MDM4: variants seen among roughly 807,000 people sequenced by gnomAD.
The protein encoded by MDM4 is MDM4 regulator of p53.
A neutral mutation model predicts 60.2 loss-of-function variants in MDM4; 2 were observed. The ratio of observed to expected loss-of-function variants is 0.03; its 90% CI spans 0.01 to 0.10. MDM4 has a LOEUF of 0.10. Ranked by LOEUF, MDM4 falls within the 10% of genes least tolerant of loss-of-function variation. The pLI, the probability that MDM4 is intolerant of heterozygous loss-of-function variation, is 1.00. For synonymous variants in MDM4, 202 were observed against 198.1 expected (o/e 1.02, Z -0.17); for missense variants, 447 against 577.5 (o/e 0.77, Z 2.32).
intron 1 of MDM4, among the ~76,000 whole-genome samples, chr1:204,522,685 G>A (rs559622917): frequency 2.0e-5 from 3 of 151,982 alleles, no homozygotes; most frequent in East Asian, 2.0e-4. Context: ...GATTATAGGC[G>A]TGAGCCACCA....
intron 1 of MDM4, among the ~76,000 whole-genome samples, 160 bp downstream of exon 1, chr1:204,516,669 G>T (rs1266318634): frequency 2.0e-5 from 3 of 152,184 alleles, no homozygotes; most frequent in East Asian, 1.9e-4. Flanking sequence ...GAAGGGCTCG[G>T]GGGGAGGGGA....
rs760505338 is a variant in MDM4, at chr1:204,552,799, C to T, written c.*3117C>T. 4.9e-5 allele frequency: 9 copies of T among 182,060 alleles called. No individual in the cohort carries two copies. Among genetic ancestry groups the T allele is most frequent in the South Asian group, 3.9e-4 (2 of 5,082 alleles). 11.3% of individuals were successfully genotyped at this position (182,060 alleles called of 1,614,324 possible). A position where few individuals can be genotyped will look rare whatever the true frequency, so the allele number is the denominator to read the frequency against. On this transcript the variant is annotated 3_prime_UTR_variant, in exon 11 of 11. Coordinates refer to ENST00000367182, the MANE Select transcript of MDM4 (RefSeq NM_002393.5). ...CTTCTGTTAGCACTAAGTACTTAGA[C>T]GATCCTAAGATATGTGCTTGAGCCG...
chr1:204,535,481 GTC>G lies in MDM4; in HGVS notation c.344-1944_344-1943del, dbSNP rs201932826. On this transcript the variant is annotated intron_variant, in intron 5 of 10. Coordinates refer to ENST00000367182, the MANE Select transcript of MDM4 (RefSeq NM_002393.5). ...CTAAAATGGTAGTTCTTTCTAAATT[GTC>G]TCTCCAAATTTTCCCATGTATACAA... Among the ~76,000 whole-genome samples the G allele has an allele frequency of 9.3e-3, 1,409 of 151,552 alleles. 21 individuals carry two copies. The highest frequency in any genetic ancestry group is 0.032 in the African/African-American group (1,321 of 41,288).
intron 7 of MDM4, among the ~76,000 whole-genome samples, chr1:204,541,190 A>G (rs944674869): frequency 3.3e-5 from 5 of 151,866 alleles, no homozygotes; most frequent in African/African-American, 1.2e-4. Flanking sequence ...TGGGCATGGT[A>G]GCTCGTGCCT....
chr1:204,549,955 C>T lies in MDM4; in HGVS notation c.*273C>T, dbSNP rs1473454649. ...AACTCTTGAAAACAAGAGATTTCTT[C>T]CATGCACATTTACAATATTGAGGTA... On this transcript the variant is annotated 3_prime_UTR_variant, in exon 11 of 11. Coordinates refer to ENST00000367182, the MANE Select transcript of MDM4 (RefSeq NM_002393.5). 1 of 321,278 alleles carries T rather than the reference C, an allele frequency of 3.1e-6. No homozygotes were observed. Among genetic ancestry groups the T allele is most frequent in the Non-Finnish European group, 5.7e-6 (1 of 176,214 alleles). 19.9% of individuals were successfully genotyped at this position (321,278 alleles called of 1,614,324 possible).
intron 5 of MDM4, chr1:204,532,942 C>A: frequency 9.3e-7 from 1 of 1,076,514 alleles, no homozygotes; most frequent in Non-Finnish European, 1.3e-6. Flanking sequence ...ATGCTTTGTA[C>A]TTCTGTTTAA....
chr1:204,534,786 G>GT (rs1249208315), intron 5 of MDM4, among the ~76,000 whole-genome samples: 1 of 151,832 alleles, frequency 6.6e-6, no homozygotes, highest in Non-Finnish European at 1.5e-5. Context: ...GCCACCATGC[G>GT]TGGCCCATTT....
chr1:204,538,407 C>T (rs1198701848), intron 7 of MDM4, 99 bp downstream of exon 7: 1 of 686,884 alleles, frequency 1.5e-6, no homozygotes, highest in Non-Finnish European at 2.6e-6. Context: ...AGGGATATGT[C>T]ACAATTTCTC....
rs1341299919 is a variant in MDM4, at chr1:204,538,295, A to G, written c.498A>G (p.Ile166Met). Residue 166 changes from isoleucine to methionine, a missense_variant, in exon 7 of 11, where the codon ATA becomes ATG. Transcript: ENST00000367182. ...TGCCTACCTCAGAGCATAAATGCATACATTCTAGAGAAGGTATGTTTTGGA... is the reference window on the plus strand; with the variant it reads ...TGCCTACCTCAGAGCATAAATGCATGCATTCTAGAGAAGGTATGTTTTGGA... ...PTLPTSEHKC[I>M]HSREDEDLIE... The G allele has an allele frequency of 1.3e-6, 2 of 1,576,894 alleles. No individual in the cohort carries two copies. Among genetic ancestry groups the G allele is most frequent in the Admixed American group, 1.7e-5 (1 of 59,796 alleles).
chr1:204,538,000 T>G (rs72753803), intron 6 of MDM4: 2 of 758,350 alleles, frequency 2.6e-6, no homozygotes, highest in Non-Finnish European at 4.9e-6. Flanking sequence ...AGGTTTTTTT[T>G]CCCCCCAGGT....
chr1:204,539,971 A>G (rs1661867793), intron 7 of MDM4, among the ~76,000 whole-genome samples: 1 of 152,120 alleles, frequency 6.6e-6, no homozygotes, highest in Non-Finnish European at 1.5e-5. Flanking sequence ...CTATGTGTAC[A>G]AGGTGTACAT....
rs530490712 is a variant in MDM4 at position 204,534,897 on chromosome 1, G to A, written c.344-2533G>A. On this transcript the variant is annotated intron_variant, in intron 5 of 10. Transcript: ENST00000367182. ...TACCCTTTATCCAGAGTCCCCAAATGGTAACATCTTACATAATAATAGTAT... is the reference window on the plus strand; with the variant it reads ...TACCCTTTATCCAGAGTCCCCAAATAGTAACATCTTACATAATAATAGTAT... Among the ~76,000 whole-genome samples, 131 of 152,090 alleles carry A rather than the reference G, an allele frequency of 8.6e-4. 1 individual carries two copies. Among genetic ancestry groups the A allele is most frequent in the Non-Finnish European group, 3.1e-4 (21 of 67,984 alleles).
At chr1:204,518,951 T>C (rs774005324) in intron 1 of MDM4, among the ~76,000 whole-genome samples, 9 of 152,208 alleles carry the variant, frequency 5.9e-5, no homozygotes, top group Non-Finnish European at 5.9e-5. Flanking sequence ...TGTGAGCCAC[T>C]GCTTCTGGCC....
Position 204,532,221 on chromosome 1 carries a change from T to C in MDM4, c.318T>C (p.Leu106=), listed in dbSNP as rs923560831. 8 of 1,605,192 alleles carry C rather than the reference T, an allele frequency of 5.0e-6. No individual in the cohort carries two copies. Among genetic ancestry groups the C allele is most frequent in the Non-Finnish European group, 5.1e-6 (6 of 1,172,370 alleles). Reference sequence around the variant, plus strand: ...TCTATGATATGCTAAGAAAGAATCTTGTCACTTTAGCCACTGCTACTACAG... The same window carrying C: ...TCTATGATATGCTAAGAAAGAATCTCGTCACTTTAGCCACTGCTACTACAG... ...SPLYDMLRKN[L]VTLATATTDA... is the part of the protein sequence containing the mutation. Residue 106 remains leucine, a synonymous_variant, in exon 5 of 11, where the codon CTT becomes CTC. Transcript: ENST00000367182.
rs1272839734 is a variant in MDM4 at position 204,557,148 on chromosome 1, A to G, written c.*7466A>G. Reference sequence around the variant, plus strand: ...GAACCTATTATGCTCTTGGTGTACCAAGCTCTGGGGTATATATTCAGAATA... The same window carrying G: ...GAACCTATTATGCTCTTGGTGTACCGAGCTCTGGGGTATATATTCAGAATA... On this transcript the variant is annotated 3_prime_UTR_variant, in exon 11 of 11. Coordinates refer to ENST00000367182, the MANE Select transcript of MDM4 (RefSeq NM_002393.5). 1 of 197,844 alleles carries G rather than the reference A, an allele frequency of 5.1e-6. No homozygotes were observed. The highest frequency in any genetic ancestry group is 1.0e-5 in the Non-Finnish European group (1 of 95,418). 12.3% of individuals were successfully genotyped at this position (197,844 alleles called of 1,614,324 possible). A position where few individuals can be genotyped will look rare whatever the true frequency, so the allele number is the denominator to read the frequency against.
chr1:204,542,996 A>T, intron 8 of MDM4, 52 bp downstream of exon 8: 1 of 1,433,030 alleles, frequency 7.0e-7, no homozygotes. Flanking sequence ...AAAGGGTAAC[A>T]TTCTTGGTTA....
At chr1:204,528,410 C>T (rs1273126856) in intron 3 of MDM4, among the ~76,000 whole-genome samples, 3 of 152,220 alleles carry the variant, frequency 2.0e-5, no homozygotes, top group Non-Finnish European at 4.4e-5. Flanking sequence ...TCAGATTCCA[C>T]TTTGGAGAAA....
intron 3 of MDM4, among the ~76,000 whole-genome samples, chr1:204,526,664 C>T (rs189689465): frequency 6.6e-5 from 10 of 152,076 alleles, no homozygotes; most frequent in East Asian, 5.8e-4. Context: ...GGGGTTTCAC[C>T]GTGTTAGCCA....
chr1:204,520,192 GC>G (rs1469132070), intron 1 of MDM4, among the ~76,000 whole-genome samples: 1 of 150,768 alleles, frequency 6.6e-6, no homozygotes, highest in Non-Finnish European at 1.5e-5. Flanking sequence ...CAGAAGAATG[GC>G]ATGAACCCCG....
Sources: allele counts gnomAD v4.1 joint callset (sites outside exome capture counted in the v4.1 genomes callset), GRCh38; gene constraint gnomAD v4.1.1; transcripts MANE v1.5; gene names NCBI Gene and HGNC (gene_info 2026-07-23, HGNC 2026-07-21).